PCDH9: variants seen among roughly 807,000 people sequenced by gnomAD.
PCDH9 encodes protocadherin-9.
A neutral mutation model predicts 70.6 loss-of-function variants in PCDH9; 24 were observed. The ratio of observed to expected loss-of-function variants is 0.34; its 90% CI spans 0.25 to 0.48. The LOEUF (loss-of-function observed/expected upper bound fraction) is 0.48, where lower values mean the gene tolerates loss of function less well. PCDH9 is among the 20% of genes least tolerant of loss of function. PCDH9 has a pLI of 0.99. For synonymous variants in PCDH9, 562 were observed against 558.5 expected, an observed-to-expected ratio of 1.01 and a Z score of -0.09; for missense variants, 1,281 against 1,503.6, an observed-to-expected ratio of 0.85 and a Z score of 2.45.
intron 4 of PCDH9, among the ~76,000 whole-genome samples, chr13:66,519,283 T>C (rs1363848797): frequency 6.6e-6 from 1 of 152,000 alleles, no homozygotes; most frequent in Non-Finnish European, 1.5e-5. Flanking sequence ...AAGATCTATA[T>C]TAGAAATTGT....
At chr13:66,801,014 C>CTTTT (rs34026647) in intron 3 of PCDH9, among the ~76,000 whole-genome samples, 1 of 137,968 alleles carries the variant, frequency 7.2e-6, no homozygotes, top group Non-Finnish European at 1.5e-5. Context: ...TCTTTCTTTC[C>CTTTT]TTTTTTTTTT....
chr13:67,066,513 A>C (rs187756), intron 2 of PCDH9, among the ~76,000 whole-genome samples: 151,137 of 152,324 alleles, frequency 0.99, 74,995 homozygotes, highest in East Asian at 1. Context: ...GGATTATAGG[A>C]GTGAGCCACC....
At chr13:66,779,849 C>CTCTCTCTATATATATATATA (rs1395244975) in intron 3 of PCDH9, among the ~76,000 whole-genome samples, 2 of 78,920 alleles carry the variant, frequency 2.5e-5, no homozygotes, top group African/African-American at 1.0e-4. Flanking sequence ...CTCTCTCTCT[C>CTCTCTCTATATATATATATA]TATATATATA....
At chr13:66,781,468 G>C (rs1341060202) in intron 3 of PCDH9, among the ~76,000 whole-genome samples, 2 of 152,128 alleles carry the variant, frequency 1.3e-5, no homozygotes, top group Non-Finnish European at 2.9e-5. Flanking sequence ...ATATTACAAA[G>C]GAATTAAAAA....
intron 4 of PCDH9, among the ~76,000 whole-genome samples, chr13:66,400,033 T>C (rs1455273096): frequency 1.3e-5 from 2 of 152,182 alleles, no homozygotes; most frequent in African/African-American, 4.8e-5. Flanking sequence ...TCTACAGCAT[T>C]GTTAACCCTC....
At chr13:66,654,228 C>CA (rs1217372002) in intron 3 of PCDH9, among the ~76,000 whole-genome samples, 1 of 152,066 alleles carries the variant, frequency 6.6e-6, no homozygotes, top group African/African-American at 2.4e-5. Flanking sequence ...ATACAAACTT[C>CA]AAATGTTCTC....
At chr13:66,853,705 A>C (rs1031113621) in intron 3 of PCDH9, among the ~76,000 whole-genome samples, 4 of 152,000 alleles carry the variant, frequency 2.6e-5, no homozygotes, top group African/African-American at 9.7e-5. Context: ...CTCACTTACA[A>C]ATAAACCTTG....
At chr13:67,224,270 A>G (rs1056637151) in intron 2 of PCDH9, 2 of 152,242 alleles carry the variant, frequency 1.3e-5, no homozygotes, top group Non-Finnish European at 2.9e-5. Flanking sequence ...AGCTAATCAC[A>G]AAAGAGCAAG....
At chr13:66,514,340 A>C (rs1959628236) in intron 4 of PCDH9, among the ~76,000 whole-genome samples, 1 of 152,014 alleles carries the variant, frequency 6.6e-6, no homozygotes, top group Admixed American at 6.6e-5. Flanking sequence ...AGAGACATAG[A>C]CTTGGTTTGT....
At chr13:67,171,650 T>C (rs2088288572) in intron 2 of PCDH9, among the ~76,000 whole-genome samples, 1 of 152,210 alleles carries the variant, frequency 6.6e-6, no homozygotes, top group Non-Finnish European at 1.5e-5. Flanking sequence ...GTGCAGTGCG[T>C]ATAAACTACA....
chr13:66,882,238 C>T (rs2081934041), intron 3 of PCDH9, among the ~76,000 whole-genome samples: 1 of 152,124 alleles, frequency 6.6e-6, no homozygotes, highest in South Asian at 2.1e-4. Flanking sequence ...TACTGTTGGT[C>T]TAAATTGAAA....
At chr13:66,609,579 G>A (rs927084282) in intron 4 of PCDH9, among the ~76,000 whole-genome samples, 3 of 151,864 alleles carry the variant, frequency 2.0e-5, no homozygotes, top group African/African-American at 4.8e-5. Flanking sequence ...ATATGCATTT[G>A]GCATATATAA....
chr13:66,421,901 A>T (rs193157507), intron 4 of PCDH9, among the ~76,000 whole-genome samples: 2 of 152,236 alleles, frequency 1.3e-5, no homozygotes, highest in Admixed American at 6.5e-5. Flanking sequence ...GGTGTGCTGT[A>T]TTCAGGAGAC....
At chr13:66,813,990 C>T (rs1337198095) in intron 3 of PCDH9, among the ~76,000 whole-genome samples, 1 of 152,088 alleles carries the variant, frequency 6.6e-6, no homozygotes, top group Non-Finnish European at 1.5e-5. Flanking sequence ...CAGCTTAGTC[C>T]TAATTGGTAA....
intron 2 of PCDH9, among the ~76,000 whole-genome samples, chr13:66,948,671 A>T (rs2083129679): frequency 6.6e-6 from 1 of 152,126 alleles, no homozygotes; most frequent in Admixed American, 6.6e-5. Flanking sequence ...TTTCATATAA[A>T]AAAACAAAAT....
intron 2 of PCDH9, among the ~76,000 whole-genome samples, chr13:67,122,197 T>C (rs1401996355): frequency 6.6e-6 from 1 of 152,162 alleles, no homozygotes; most frequent in Non-Finnish European, 1.5e-5. Context: ...GGAAACAATA[T>C]CTTTTGAATG....
intron 3 of PCDH9, among the ~76,000 whole-genome samples, chr13:66,643,612 C>T (rs928043309): frequency 5.9e-5 from 9 of 152,076 alleles, no homozygotes; most frequent in Middle Eastern, 3.4e-3. Context: ...AAAATTCAAA[C>T]GTATGTCAAG....
chr13:66,329,919 G>GA (rs1180038021), intron 4 of PCDH9, among the ~76,000 whole-genome samples: 6 of 151,896 alleles, frequency 4.0e-5, no homozygotes, highest in South Asian at 2.1e-4. Flanking sequence ...TGCATTTCTA[G>GA]AAAAAAAATG....
At chr13:66,318,807 C>T (rs1224739767) in intron 4 of PCDH9, among the ~76,000 whole-genome samples, 1 of 152,128 alleles carries the variant, frequency 6.6e-6, no homozygotes, top group Non-Finnish European at 1.5e-5. Flanking sequence ...GATTTGCTTT[C>T]CCTTAACAAT....
Sources: allele counts gnomAD v4.1 joint callset (sites outside exome capture counted in the v4.1 genomes callset), GRCh38; gene constraint gnomAD v4.1.1; transcripts MANE v1.5; gene names NCBI Gene and HGNC (gene_info 2026-07-23, HGNC 2026-07-21).